ATP2C1: variants seen among roughly 807,000 people sequenced by gnomAD.
The protein encoded by ATP2C1 is ATPase secretory pathway Ca2+ transporting 1.
A neutral mutation model predicts 120.5 loss-of-function variants in ATP2C1; 31 were observed. The ratio of observed to expected loss-of-function variants is 0.26; its 90% CI spans 0.19 to 0.35. The LOEUF (loss-of-function observed/expected upper bound fraction) is 0.35. Among genes scored for constraint, ATP2C1 ranks in the 10% least tolerant of loss-of-function variants. The pLI, the probability that ATP2C1 is intolerant of heterozygous loss-of-function variation, is 1.00. For missense variants in ATP2C1, 731 were observed against 1,107.5 expected (o/e 0.66, Z 4.83); for synonymous variants, 351 against 358.7 (o/e 0.98, Z 0.24).
At chr3:130,878,923 C>G (rs527766508) in intron 1 of ATP2C1, among the ~76,000 whole-genome samples, 6 of 152,244 alleles carry the variant, frequency 3.9e-5, no homozygotes, top group African/African-American at 7.2e-5. Context: ...CTATATCACT[C>G]CTAAAATTTG....
chr3:130,998,306 G>A lies in ATP2C1; in HGVS notation c.2404G>A (p.Val802Met). Reference sequence around the variant, plus strand: ...TGCCTCTTGACAGCTACGAGACAATGTGATTACACCTCGAGACACAACAAT... The same window carrying A: ...TGCCTCTTGACAGCTACGAGACAATATGATTACACCTCGAGACACAACAAT... ...FVFWRELRDN[V>M]ITPRDTTMTF... is the part of the protein sequence containing the mutation. Residue 802 changes from valine (V) to methionine (M), a missense_variant, in exon 26 of 28, where the codon GTG (valine) becomes ATG (methionine). Transcript: ENST00000510168. 1.2e-6 allele frequency: 2 copies of A among 1,610,462 alleles called. No individual in the cohort carries two copies. Among genetic ancestry groups the A allele is most frequent in the Non-Finnish European group, 1.7e-6 (2 of 1,176,684 alleles).
At chr3:130,901,993 A>G (rs962172934) in intron 2 of ATP2C1, among the ~76,000 whole-genome samples, 6 of 151,918 alleles carry the variant, frequency 3.9e-5, no homozygotes, top group Admixed American at 3.9e-4. Flanking sequence ...AGCATCTTCT[A>G]CCTCCCCCCG....
Position 130,963,983 on chromosome 3 carries a change from A to G in ATP2C1, c.912A>G (p.Ala304=). The change falls in exon 13 of 28, where the codon GCA becomes GCG. Residue 304 remains alanine, a synonymous_variant. Coordinates refer to ENST00000510168, the MANE Select transcript of ATP2C1 (RefSeq NM_001378687.1). The part of the protein sequence containing the change: ...MFTISVSLAV[A]AIPEGLPIVV... The stretch of plus-strand genomic sequence containing the variant: ...ATGTTGGTTATAGTTTGGCTGTAGC[A>G]GCAATTCCTGAAGGTCTCCCCATTG... The G allele has an allele frequency of 6.2e-7, 1 of 1,612,754 alleles. No homozygotes were observed. Among genetic ancestry groups the G allele is most frequent in the Non-Finnish European group, 8.5e-7 (1 of 1,178,956 alleles).
intron 2 of ATP2C1, among the ~76,000 whole-genome samples, chr3:130,916,201 T>C (rs2058679525): frequency 6.7e-6 from 1 of 149,118 alleles, no homozygotes; most frequent in Admixed American, 6.7e-5. Context: ...AGCTTAGGAG[T>C]TTGAGACCAG....
intron 10 of ATP2C1, chr3:130,955,879 A>C: frequency 2.2e-6 from 1 of 456,918 alleles, no homozygotes. Context: ...TCAAATAATA[A>C]ACAGGTTTTT....
At chr3:130,918,126 G>A (rs935360064) in intron 2 of ATP2C1, 70 of 754,710 alleles carry the variant, frequency 9.3e-5, no homozygotes, top group Middle Eastern at 7.5e-4. Context: ...AGTACTTAAT[G>A]CTGGTAGAAT....
intron 23 of ATP2C1, among the ~76,000 whole-genome samples, chr3:130,996,459 G>A (rs778971597): frequency 6.6e-6 from 1 of 152,166 alleles, no homozygotes; most frequent in Non-Finnish European, 1.5e-5. Flanking sequence ...TCATGCAGAT[G>A]TAAAAATTCT....
chr3:130,919,487 A>G (rs767753859), intron 2 of ATP2C1, among the ~76,000 whole-genome samples: 20 of 152,038 alleles, frequency 1.3e-4, no homozygotes, highest in African/African-American at 1.9e-4. Context: ...CCAAAGTGCT[A>G]GGATTACAGG....
chr3:130,952,419 G>C (rs1409056663), intron 8 of ATP2C1, among the ~76,000 whole-genome samples: 1 of 152,128 alleles, frequency 6.6e-6, no homozygotes, highest in Non-Finnish European at 1.5e-5. Context: ...ATCATTTTAC[G>C]TGAGGTTATT....
intron 26 of ATP2C1, among the ~76,000 whole-genome samples, chr3:131,009,591 C>G (rs554966676): frequency 6.6e-6 from 1 of 152,220 alleles, no homozygotes; most frequent in Admixed American, 6.5e-5. Flanking sequence ...GGTGCAGTCA[C>G]GCCTTTTAAA....
At position 130,894,582 on chromosome 3, in the gene ATP2C1, T is replaced by C; in HGVS notation, c.-180-8T>C. On this transcript the variant is annotated splice_polypyrimidine_tract_variant and splice_region_variant and intron_variant, in intron 1 of 27. Transcript: ENST00000510168. The surrounding 1 kb of genome is among the most constrained non-coding windows in gnomAD (Gnocchi z 4.5). ...CGTCAGCGCCGCTTCTCCTGGTTTC[T>C]CTTGCAGATGCTGCTGCTAGGGGTG... The C allele has an allele frequency of 2.7e-6, 4 of 1,479,392 alleles. No individual in the cohort carries two copies. The highest frequency in any genetic ancestry group is 3.6e-6 in the Non-Finnish European group (4 of 1,114,966). 91.6% of individuals were successfully genotyped at this position (1,479,392 alleles called of 1,614,324 possible). A position where few individuals can be genotyped will look rare whatever the true frequency, so the allele number is the denominator to read the frequency against.
At chr3:130,932,407 C>G (rs574857851) in intron 4 of ATP2C1, among the ~76,000 whole-genome samples, 1 of 152,082 alleles carries the variant, frequency 6.6e-6, no homozygotes, top group East Asian at 1.9e-4. Flanking sequence ...GATATCAAAC[C>G]TACACTATTT....
At chr3:130,997,311 C>G (rs1222259848) in intron 24 of ATP2C1, among the ~76,000 whole-genome samples, 1 of 152,052 alleles carries the variant, frequency 6.6e-6, no homozygotes, top group African/African-American at 2.4e-5. Flanking sequence ...GTCGGTAGGT[C>G]ATGTATTTCA....
rs1334991747 is a variant in ATP2C1, at chr3:130,883,872, T to C, written c.108+32944T>C. ...ATGTTTTGGTATGTTGTGTTTCCATTAGCATTTGTTTCAAGAAATTTTTCA... is the reference window on the plus strand; with the variant it reads ...ATGTTTTGGTATGTTGTGTTTCCATCAGCATTTGTTTCAAGAAATTTTTCA... On this transcript the variant is annotated intron_variant, in intron 1 of 26. Coordinates refer to the ATP2C1 transcript ENST00000504381. Among the ~76,000 whole-genome samples the C allele has an allele frequency of 5.9e-5, 9 of 151,852 alleles. No homozygotes were observed. In the East Asian group the frequency reaches 1.7e-3, roughly 29 times the overall value.
chr3:130,860,669 G>T (rs887981222), intron 1 of ATP2C1, among the ~76,000 whole-genome samples: 4 of 152,178 alleles, frequency 2.6e-5, no homozygotes, highest in African/African-American at 9.7e-5. Flanking sequence ...AGGTTTGTCT[G>T]TTTGACCTCA....
intron 8 of ATP2C1, among the ~76,000 whole-genome samples, chr3:130,951,780 T>C (rs2060378683): frequency 6.6e-6 from 1 of 152,202 alleles, no homozygotes; most frequent in Non-Finnish European, 1.5e-5. Flanking sequence ...TAAATGACTA[T>C]TGATCTGTAT....
intron 26 of ATP2C1, among the ~76,000 whole-genome samples, chr3:131,011,827 AC>A (rs1251839237): frequency 2.0e-5 from 3 of 152,224 alleles, no homozygotes; most frequent in Non-Finnish European, 4.4e-5. Flanking sequence ...AGCAGCCTGA[AC>A]AAGAATGTCT....
Position 131,001,317 on chromosome 3 carries a change from T to C in ATP2C1, c.2727T>C (p.Val909=). The C allele has an allele frequency of 6.2e-7, 1 of 1,613,612 alleles. No homozygotes were observed. Among genetic ancestry groups the C allele is most frequent in the Non-Finnish European group, 8.5e-7 (1 of 1,179,678 alleles). The change falls in exon 28 of 28, where the codon GTT becomes GTC. Residue 909 remains valine, a synonymous_variant. Transcript: ENST00000510168. The stretch of plus-strand genomic sequence containing the variant: ...GCAGGGAAAAGATCCAGAAGCATGT[T>C]AGTTCGACATCATCATCTTTTCTTG... ...ERSREKIQKH[V]SSTSSSFLEV is the part of the protein sequence containing the mutation.
At chr3:130,867,561 GGATTGCA>G (rs1164115361) in intron 1 of ATP2C1, among the ~76,000 whole-genome samples, 1 of 149,322 alleles carries the variant, frequency 6.7e-6, no homozygotes, top group African/African-American at 2.5e-5. Context: ...CGAGGTGCCG[GGATTGCA>G]GACGGAGTCT....
Sources: allele counts gnomAD v4.1 joint callset (sites outside exome capture counted in the v4.1 genomes callset), GRCh38; gene constraint gnomAD v4.1.1; non-coding constraint Gnocchi (gnomAD v3.1); transcripts MANE v1.5; gene names NCBI Gene and HGNC (gene_info 2026-07-23, HGNC 2026-07-21).